Variants in SMYD3 observed in about 807,000 individuals in gnomAD.
The protein encoded by SMYD3 is SET and MYND domain containing 3, also known as histone-lysine N-methyltransferase SMYD3.
A neutral mutation model predicts 57.7 loss-of-function variants in SMYD3; 36 were observed. The observed-to-expected ratio is 0.62, with a 90% CI of 0.48 to 0.82. The LOEUF (loss-of-function observed/expected upper bound fraction) is 0.82, where lower values mean the gene tolerates loss of function less well. SMYD3 is among the 40% of genes least tolerant of loss of function. The pLI is 0.00. For missense variants in SMYD3, 515 were observed against 538.8 expected (o/e 0.96, Z 0.44); for synonymous variants, 211 against 195.0 (o/e 1.08, Z -0.68).
chr1:246,355,389 G>A lies in SMYD3; in HGVS notation c.165-295C>T. ...AGCAGCGTGTGGGGACTCACACTGT[G>A]AACTTTTGATCCAACAACTGCCACA... On this transcript the variant is annotated intron_variant, in intron 1 of 11. Coordinates refer to ENST00000490107, the MANE Select transcript of SMYD3 (RefSeq NM_001167740.2). The surrounding 1 kb of genome is among the most constrained non-coding windows in gnomAD (Gnocchi z 5.0). 1 of 327,202 alleles carries A rather than the reference G, an allele frequency of 3.1e-6. No individual in the cohort carries two copies. Among genetic ancestry groups the A allele is most frequent in the Non-Finnish European group, 5.7e-6 (1 of 176,608 alleles). 20.3% of individuals were successfully genotyped at this position (327,202 alleles called of 1,614,324 possible). A position where few individuals can be genotyped will look rare whatever the true frequency, so the allele number is the denominator to read the frequency against.
At chr1:245,811,004 C>CT (rs2048439320) in intron 10 of SMYD3, among the ~76,000 whole-genome samples, 1 of 152,204 alleles carries the variant, frequency 6.6e-6, no homozygotes, top group Non-Finnish European at 1.5e-5. Context: ...TTTCTCACCT[C>CT]TCTCCAGGCT....
chr1:246,465,385 C>T (rs2067866070), intron 1 of SMYD3, among the ~76,000 whole-genome samples: 2 of 152,194 alleles, frequency 1.3e-5, no homozygotes, highest in East Asian at 1.9e-4. Flanking sequence ...TATGAGCTGC[C>T]ATCACTCTGT....
chr1:246,465,376 A>G (rs1029384204), intron 1 of SMYD3, among the ~76,000 whole-genome samples: 1 of 152,244 alleles, frequency 6.6e-6, no homozygotes, highest in Non-Finnish European at 1.5e-5. Context: ...AGGACTAACT[A>G]TGAGCTGCCA....
intron 5 of SMYD3, among the ~76,000 whole-genome samples, chr1:246,070,842 A>C (rs2148381253): frequency 6.6e-6 from 1 of 152,354 alleles, no homozygotes; most frequent in Admixed American, 6.5e-5. Context: ...ACACAGATAA[A>C]AATTTATGTG....
chr1:246,021,574 G>T (rs949791410), intron 5 of SMYD3, among the ~76,000 whole-genome samples: 2 of 152,154 alleles, frequency 1.3e-5, no homozygotes, highest in African/African-American at 4.8e-5. Flanking sequence ...ATGCAGATTT[G>T]TGGAAAGAAA....
At chr1:246,056,395 G>A (rs2060152120) in intron 5 of SMYD3, among the ~76,000 whole-genome samples, 2 of 152,104 alleles carry the variant, frequency 1.3e-5, no homozygotes, top group African/African-American at 4.8e-5. Context: ...CATTTCATAT[G>A]TTACTCCAAT....
chr1:246,151,894 AT>A (rs779246506), intron 5 of SMYD3, among the ~76,000 whole-genome samples: 1 of 152,224 alleles, frequency 6.6e-6, no homozygotes, highest in Non-Finnish European at 1.5e-5. Context: ...GAAGAAGCAA[AT>A]GCTTACAGAC....
intron 9 of SMYD3, among the ~76,000 whole-genome samples, chr1:245,859,007 AAAGATT>A (rs749395015): frequency 9.4e-4 from 143 of 152,370 alleles, no homozygotes; most frequent in Non-Finnish European, 1.6e-3. Flanking sequence ...AAATTGGACT[AAAGATT>A]AAGTTAATTC....
chr1:246,354,280 G>A (rs1355919785), intron 2 of SMYD3, among the ~76,000 whole-genome samples: 1 of 152,156 alleles, frequency 6.6e-6, no homozygotes, highest in Non-Finnish European at 1.5e-5. Context: ...CATGCTGAAT[G>A]TTAATTATAC....
intron 5 of SMYD3, among the ~76,000 whole-genome samples, chr1:245,993,631 T>TAGATAGGC (rs1436642900): frequency 8.3e-6 from 1 of 120,104 alleles, no homozygotes; most frequent in Admixed American, 8.5e-5. Flanking sequence ...GATAGATAGA[T>TAGATAGGC]AGACAGACAG....
intron 5 of SMYD3, among the ~76,000 whole-genome samples, chr1:246,273,575 CTTT>C (rs75025399): frequency 4.7e-5 from 4 of 84,378 alleles, no homozygotes; most frequent in Non-Finnish European, 6.4e-5. Flanking sequence ...TTTCACTAAT[CTTT>C]TTTTTTTTTT....
intron 1 of SMYD3, among the ~76,000 whole-genome samples, chr1:246,444,451 C>A (rs1041483759): frequency 2.0e-5 from 3 of 152,040 alleles, no homozygotes; most frequent in African/African-American, 7.2e-5. Flanking sequence ...TTAAATGGTC[C>A]CTTTAGTGGG....
chr1:245,863,117 C>A (rs1405461479), intron 9 of SMYD3, among the ~76,000 whole-genome samples: 1 of 152,222 alleles, frequency 6.6e-6, no homozygotes, highest in African/African-American at 2.4e-5. Flanking sequence ...CCACCTTGAT[C>A]TCTTCCTTCT....
In SMYD3 at chr1:246,320,730, C is replaced by T. The variant is rs1148725; in HGVS notation, c.531+6471G>A. 1.8e-3 allele frequency among the ~76,000 whole-genome samples: 269 copies of T among 152,172 alleles called. 1 individual carries two copies. The highest frequency in any genetic ancestry group is 6.3e-3 in the African/African-American group (260 of 41,516). ...TTTTTCTAGAACTCTGTACAATAAT[C>T]CCTAAAGAAATCTTTTATGTGCATA... On this transcript the variant is annotated intron_variant, in intron 5 of 11. Coordinates refer to ENST00000490107, the MANE Select transcript of SMYD3 (RefSeq NM_001167740.2).
intron 5 of SMYD3, among the ~76,000 whole-genome samples, chr1:245,951,341 G>A (rs758735730): frequency 6.1e-5 from 7 of 114,228 alleles, no homozygotes; most frequent in South Asian, 5.8e-4. Flanking sequence ...AGGCTGAGGC[G>A]GGTGGATCAC....
intron 5 of SMYD3, among the ~76,000 whole-genome samples, chr1:246,196,897 G>A (rs1469498348): frequency 6.6e-6 from 1 of 151,810 alleles, no homozygotes; most frequent in Admixed American, 6.6e-5. Flanking sequence ...AGAAAACAGG[G>A]CACATTGAAG....
chr1:245,797,319 T>C (rs549212699), intron 10 of SMYD3, among the ~76,000 whole-genome samples: 15 of 152,194 alleles, frequency 9.9e-5, no homozygotes, highest in Admixed American at 5.9e-4. Context: ...AAATGTGGCA[T>C]ATATACACCA....
At chr1:246,191,286 C>T (rs1034869283) in intron 5 of SMYD3, among the ~76,000 whole-genome samples, 24 of 152,258 alleles carry the variant, frequency 1.6e-4, no homozygotes, top group African/African-American at 5.8e-4. Flanking sequence ...GTTTGGTGGA[C>T]CCACAAATAA....
In SMYD3 at chr1:245,944,995, A is replaced by T. The variant is rs1320984016; in HGVS notation, c.532-15058T>A. 2.0e-5 allele frequency among the ~76,000 whole-genome samples: 3 copies of T among 152,320 alleles called. No individual in the cohort carries two copies. The East Asian group carries it at 5.8e-4, about 29-fold the overall frequency. On this transcript the variant is annotated intron_variant, in intron 5 of 11. Coordinates refer to ENST00000490107, the MANE Select transcript of SMYD3 (RefSeq NM_001167740.2). ...TTATACAAAAATTAACTCAAGATGG[A>T]TTAAAGACATAAATATAAAACATAA...
Sources: allele counts gnomAD v4.1 joint callset (sites outside exome capture counted in the v4.1 genomes callset), GRCh38; gene constraint gnomAD v4.1.1; non-coding constraint Gnocchi (gnomAD v3.1); transcripts MANE v1.5; gene names NCBI Gene and HGNC (gene_info 2026-07-23, HGNC 2026-07-21).